Variants in RANBP2 observed in about 807,000 individuals in gnomAD.
RANBP2 encodes the protein E3 SUMO-protein ligase RanBP2.
In RANBP2, 57 loss-of-function variants were observed where a neutral mutation model predicts 303.6. The observed-to-expected ratio is 0.19, with a 90% CI of 0.15 to 0.23. RANBP2 has a LOEUF of 0.23. Ranked by LOEUF, RANBP2 falls within the 10% of genes least tolerant of loss-of-function variation. The pLI is 1.00. For missense variants in RANBP2, 3,138 were observed against 3,780.8 expected (o/e 0.83, Z 4.46); for synonymous variants, 1,167 against 1,301.5 (o/e 0.90, Z 2.23).
chr2:109,687,367 C>T, the RANBP2 span, among the ~76,000 whole-genome samples: 2 of 152,184 alleles, frequency 1.3e-5, no homozygotes, highest in Non-Finnish European at 2.9e-5. Context: ...TATTTTGGCT[C>T]CATAAGATGT....
At chr2:109,135,994 G>A in the RANBP2 span, among the ~76,000 whole-genome samples, 3 of 152,272 alleles carry the variant, frequency 2.0e-5, no homozygotes, top group East Asian at 5.8e-4. Flanking sequence ...TCCGTCATCC[G>A]TAGGACACAA....
At chr2:108,984,130 G>GGCAT in the RANBP2 span, among the ~76,000 whole-genome samples, 1,119 of 152,288 alleles carry the variant, frequency 7.3e-3, 7 homozygotes, top group Non-Finnish European at 0.012. Flanking sequence ...GGATCCCTTT[G>GGCAT]GCATGTGTTA....
the RANBP2 span, chr2:108,910,468 G>A: frequency 6.2e-7 from 1 of 1,613,522 alleles, no homozygotes; most frequent in Non-Finnish European, 8.5e-7. Context: ...ACCTCTTGGT[G>A]GGCTTTGCTG....
the RANBP2 span, among the ~76,000 whole-genome samples, chr2:109,455,365 G>T: frequency 6.6e-6 from 1 of 152,162 alleles, no homozygotes; most frequent in Non-Finnish European, 1.5e-5. Flanking sequence ...GTGGATGACC[G>T]ACATAATCAA....
the RANBP2 span, chr2:108,839,316 G>A: frequency 6.3e-7 from 1 of 1,598,418 alleles, no homozygotes; most frequent in Non-Finnish European, 8.5e-7. Flanking sequence ...TTGGTTAATA[G>A]GAATTTATCT....
chr2:108,971,581 G>A, the RANBP2 span, among the ~76,000 whole-genome samples: 4 of 151,796 alleles, frequency 2.6e-5, no homozygotes, highest in Non-Finnish European at 5.9e-5. Context: ...CAGAATGAAT[G>A]AAGGTGTGAG....
At chr2:109,077,231 A>T in the RANBP2 span, among the ~76,000 whole-genome samples, 1 of 150,762 alleles carries the variant, frequency 6.6e-6, no homozygotes, top group Non-Finnish European at 1.5e-5. Context: ...TACAAAAGTC[A>T]GCTCAAAATG....
the RANBP2 span, among the ~76,000 whole-genome samples, chr2:109,687,886 C>T: frequency 1.3e-5 from 2 of 152,012 alleles, no homozygotes; most frequent in African/African-American, 4.8e-5. Flanking sequence ...TGGGACTACA[C>T]ACGTGCACCA....
chr2:109,289,038 C>T, the RANBP2 span, among the ~76,000 whole-genome samples: 2 of 152,286 alleles, frequency 1.3e-5, no homozygotes, highest in South Asian at 4.1e-4. Context: ...CACTAACATT[C>T]GTTTGTCAAC....
the RANBP2 span, among the ~76,000 whole-genome samples, chr2:109,196,679 G>A: frequency 1.3e-5 from 2 of 152,202 alleles, no homozygotes; most frequent in Non-Finnish European, 2.9e-5. Flanking sequence ...TTGCAGTGAG[G>A]GGCTGGCTCT....
At chr2:109,416,886 CAG>C in the RANBP2 span, among the ~76,000 whole-genome samples, 1 of 140,422 alleles carries the variant, frequency 7.1e-6, no homozygotes, top group South Asian at 2.2e-4. Context: ...GCCTGGGCGA[CAG>C]AGTGAGACTT....
the RANBP2 span, among the ~76,000 whole-genome samples, chr2:108,953,470 T>A: frequency 6.6e-6 from 1 of 152,060 alleles, no homozygotes; most frequent in Non-Finnish European, 1.5e-5. Context: ...AGTCTACAAA[T>A]TCCCTCTGGC....
chr2:108,790,657 C>T (rs192197663), downstream of RANBP2, among the ~76,000 whole-genome samples: 38 of 152,210 alleles, frequency 2.5e-4, no homozygotes, highest in East Asian at 3.5e-3. Flanking sequence ...GCCGAGATCG[C>T]GCCACTGCAC....
At chr2:108,985,328 C>T in the RANBP2 span, among the ~76,000 whole-genome samples, 1 of 152,148 alleles carries the variant, frequency 6.6e-6, no homozygotes, top group Non-Finnish European at 1.5e-5. Flanking sequence ...CTGATTTCGT[C>T]CGACTCACAA....
At chr2:108,802,722 A>G in the RANBP2 span, among the ~76,000 whole-genome samples, 1 of 147,886 alleles carries the variant, frequency 6.8e-6, no homozygotes, top group Non-Finnish European at 1.5e-5. Context: ...TTCAAAGGGA[A>G]TGCTTCCAGT....
chr2:109,514,327 AAC>A, the RANBP2 span, among the ~76,000 whole-genome samples: 1 of 152,288 alleles, frequency 6.6e-6, no homozygotes, highest in South Asian at 2.1e-4. Context: ...CACGTTATAA[AAC>A]ACAGACCAGG....
At chr2:109,718,513 C>T in the RANBP2 span, among the ~76,000 whole-genome samples, 1 of 152,108 alleles carries the variant, frequency 6.6e-6, no homozygotes, top group Non-Finnish European at 1.5e-5. Context: ...CCAGAATAGG[C>T]AAATCTGTAG....
intron 23 of RANBP2, among the ~76,000 whole-genome samples, chr2:108,773,646 AT>A (rs5833300): frequency 0.2 from 29,479 of 145,564 alleles, 3,310 homozygotes; most frequent in African/African-American, 0.32. Context: ...CCCTCCAGGA[AT>A]TTTTTTTTTT....
At chr2:109,144,846 G>T in the RANBP2 span, among the ~76,000 whole-genome samples, 1 of 152,234 alleles carries the variant, frequency 6.6e-6, no homozygotes, top group East Asian at 1.9e-4. Flanking sequence ...CGGGCAGGGG[G>T]CGGAAGGCAT....
Sources: gnomAD v4.1 joint callset for allele counts (sites outside exome capture counted in the v4.1 genomes callset) on GRCh38, gnomAD v4.1.1 for gene constraint, MANE v1.5 for transcripts, NCBI Gene and HGNC (gene_info 2026-07-23, HGNC 2026-07-21) for gene names.